SHISAL2A: variants seen among roughly 807,000 people sequenced by gnomAD.
SHISAL2A encodes the protein protein shisa-like-2A.
Under a neutral mutation model 11.5 loss-of-function variants are expected in SHISAL2A, and 18 were observed. The observed-to-expected ratio is 1.57, with a 90% CI of 1.08 to 2.33. The LOEUF (loss-of-function observed/expected upper bound fraction) is 2.33, where lower values mean the gene tolerates loss of function less well. Among genes scored for constraint, SHISAL2A ranks in the 30% most tolerant of loss-of-function variants. The pLI is 0.00. For synonymous variants in SHISAL2A, 94 were observed against 99.6 expected, an observed-to-expected ratio of 0.94 and a Z score of 0.34; for missense variants, 261 against 250.9, an observed-to-expected ratio of 1.04 and a Z score of -0.27.
intron 2 of SHISAL2A, among the ~76,000 whole-genome samples, chr1:52,644,015 A>G (rs1691435360): frequency 6.6e-6 from 1 of 152,194 alleles, no homozygotes; most frequent in Admixed American, 6.5e-5. Context: ...CCAATGCTCA[A>G]AATAGGTATT....
intron 2 of SHISAL2A, among the ~76,000 whole-genome samples, chr1:52,654,722 G>A (rs1402612441): frequency 1.3e-5 from 2 of 152,120 alleles, no homozygotes; most frequent in African/African-American, 4.8e-5. Flanking sequence ...TTCATGACAT[G>A]CGGTTATGCA....
chr1:52,649,828 A>G (rs1159193541), intron 2 of SHISAL2A, among the ~76,000 whole-genome samples: 1 of 152,216 alleles, frequency 6.6e-6, no homozygotes, highest in African/African-American at 2.4e-5. Flanking sequence ...TGGGGGGAAA[A>G]TTAAGGAGTC....
At chr1:52,646,915 C>T (rs908008516) in intron 2 of SHISAL2A, among the ~76,000 whole-genome samples, 20 of 152,124 alleles carry the variant, frequency 1.3e-4, no homozygotes, top group Non-Finnish European at 2.9e-5. Flanking sequence ...CTGCCACTTC[C>T]GTCTCCCAGG....
At chr1:52,650,968 G>C (rs1323819646) in intron 2 of SHISAL2A, among the ~76,000 whole-genome samples, 1 of 145,330 alleles carries the variant, frequency 6.9e-6, no homozygotes, top group African/African-American at 2.6e-5. Context: ...TTTTTTAACA[G>C]CTTCCCACAT....
chr1:52,635,359 C>G (rs1203519368), intron 1 of SHISAL2A, among the ~76,000 whole-genome samples: 3 of 149,472 alleles, frequency 2.0e-5, no homozygotes, highest in Non-Finnish European at 4.5e-5. Flanking sequence ...CATTCCCCAC[C>G]CCCCACCCCA....
At chr1:52,666,882 T>C (rs1231005077) in intron 4 of SHISAL2A, among the ~76,000 whole-genome samples, 2 of 152,192 alleles carry the variant, frequency 1.3e-5, no homozygotes, top group Non-Finnish European at 2.9e-5. Context: ...ACTCTGCCTC[T>C]AGCCACACAG....
chr1:52,639,667 G>T (rs1194988549), intron 1 of SHISAL2A, among the ~76,000 whole-genome samples: 4 of 151,998 alleles, frequency 2.6e-5, no homozygotes, highest in Non-Finnish European at 5.9e-5. Context: ...GCAGGAGAAT[G>T]GCATGAACCT....
At chr1:52,654,647 C>G (rs1691750784) in intron 2 of SHISAL2A, among the ~76,000 whole-genome samples, 1 of 152,094 alleles carries the variant, frequency 6.6e-6, no homozygotes, top group Admixed American at 6.6e-5. Context: ...CAAAAATTAT[C>G]TCAAAAAAGA....
chr1:52,652,355 T>A (rs1389852415), intron 2 of SHISAL2A, among the ~76,000 whole-genome samples: 2 of 152,208 alleles, frequency 1.3e-5, no homozygotes, highest in African/African-American at 4.8e-5. Context: ...ATACCTGAAA[T>A]ACTGCAAAAA....
intron 2 of SHISAL2A, among the ~76,000 whole-genome samples, chr1:52,654,306 TAG>T (rs1220046343): frequency 1.3e-5 from 2 of 151,576 alleles, no homozygotes; most frequent in Admixed American, 6.6e-5. Context: ...AATTTATATA[TAG>T]AGAGACAAAG....
chr1:52,638,380 C>T (rs1480634861), intron 1 of SHISAL2A, among the ~76,000 whole-genome samples: 2 of 146,074 alleles, frequency 1.4e-5, no homozygotes, highest in Non-Finnish European at 3.0e-5. Context: ...GATAACAGCC[C>T]TACGAACAGT....
intron 1 of SHISAL2A, among the ~76,000 whole-genome samples, chr1:52,638,000 T>C (rs1691274611): frequency 1.3e-5 from 2 of 152,284 alleles, no homozygotes; most frequent in Admixed American, 6.5e-5. Context: ...CAGGGACTCA[T>C]CCCTGCTTGA....
chr1:52,643,878 AAG>A lies in SHISAL2A; in HGVS notation c.322+891_322+892del, dbSNP rs755482602. On this transcript the variant is annotated intron_variant, in intron 2 of 2. Transcript: ENST00000517870. ...AAAGAAAGAAAGAAAGAAAGAGAGA[AAG>A]AGAGAGAGAGAGAGGGAGGGAGGGA... Among the ~76,000 whole-genome samples, 329 of 143,004 alleles carry A rather than the reference AAG, an allele frequency of 2.3e-3. 1 individual carries two copies. Among genetic ancestry groups the A allele is most frequent in the African/African-American group, 6.1e-3 (242 of 39,712 alleles). The allele number at this position is 143,004 out of a possible 152,430, so 93.8% of individuals were successfully genotyped here.
downstream of SHISAL2A, among the ~76,000 whole-genome samples, chr1:52,661,989 C>T (rs1267782090): frequency 2.0e-5 from 3 of 151,528 alleles, no homozygotes; most frequent in East Asian, 1.9e-4. Context: ...TCTGAGATTG[C>T]GCCACTGCAC....
chr1:52,647,329 G>T (rs191013107), intron 2 of SHISAL2A, among the ~76,000 whole-genome samples: 1 of 152,076 alleles, frequency 6.6e-6, no homozygotes, highest in Non-Finnish European at 1.5e-5. Flanking sequence ...ATTTCCCCTA[G>T]GAGCAATAAT....
At chr1:52,648,130 A>T (rs1195720467) in intron 2 of SHISAL2A, among the ~76,000 whole-genome samples, 1 of 148,232 alleles carries the variant, frequency 6.7e-6, no homozygotes, top group Non-Finnish European at 1.5e-5. Context: ...ATATTTCATT[A>T]TTACATAATT....
chr1:52,654,186 C>G (rs1384496195), intron 2 of SHISAL2A, among the ~76,000 whole-genome samples: 1 of 151,672 alleles, frequency 6.6e-6, no homozygotes, highest in Admixed American at 6.6e-5. Context: ...GTGGGGATTA[C>G]AAGTGTGAGC....
intron 2 of SHISAL2A, among the ~76,000 whole-genome samples, chr1:52,651,587 C>A (rs1691649757): frequency 2.0e-5 from 3 of 152,042 alleles, no homozygotes; most frequent in Admixed American, 2.0e-4. Context: ...CCCTCTTGCC[C>A]AGGCTGGAGT....
downstream of SHISAL2A, among the ~76,000 whole-genome samples, chr1:52,657,580 C>T (rs1228595748): frequency 6.6e-6 from 1 of 152,068 alleles, no homozygotes; most frequent in African/African-American, 2.4e-5. Context: ...AGGGGCAGGG[C>T]GCGGCAGTTC....
Sources: allele counts gnomAD v4.1 joint callset (sites outside exome capture counted in the v4.1 genomes callset), GRCh38; gene constraint gnomAD v4.1.1; transcripts MANE v1.5; gene names NCBI Gene and HGNC (gene_info 2026-07-23, HGNC 2026-07-21).